Variants in BBS10 observed in about 807,000 individuals in gnomAD.
The protein encoded by BBS10 is BBSome complex assembly protein BBS10.
In BBS10, 13 loss-of-function variants were observed where a neutral mutation model predicts 12.7. The observed-to-expected ratio is 1.03, with a 90% CI of 0.67 to 1.63. BBS10 has a LOEUF of 1.63. Among genes scored for constraint, BBS10 ranks in the 40% most tolerant of loss-of-function variants. The pLI, the probability that BBS10 is intolerant of heterozygous loss-of-function variation, is 0.00. For synonymous variants in BBS10, 294 were observed against 304.8 expected (o/e 0.96, Z 0.37); for missense variants, 858 against 858.0 (o/e 1.00, Z 0.00).
In BBS10 at chr12:76,345,612, T is replaced by C; in HGVS notation, c.*201A>G. 1 of 560,298 alleles carries C rather than the reference T, an allele frequency of 1.8e-6. No individual in the cohort carries two copies. The highest frequency in any genetic ancestry group is 2.0e-5 in the South Asian group (1 of 49,340). The allele number at this position is 560,298 out of a possible 1,614,324, so 34.7% of individuals were successfully genotyped here. On this transcript the variant is annotated 3_prime_UTR_variant, in exon 2 of 2. Coordinates refer to ENST00000650064, the MANE Select transcript of BBS10 (RefSeq NM_024685.4). ...AAAACAGACACACTTAGCCAAATCT[T>C]GGCTTCCCCTCTAGATTTGTTCCAT...
At chr12:76,348,119 C>A in intron 1 of BBS10, 43 bp downstream of exon 1, 2 of 1,573,438 alleles carry the variant, frequency 1.3e-6, no homozygotes, top group Non-Finnish European at 1.7e-6. Flanking sequence ...ACAGAGGCTG[C>A]CTGGGGTGCC....
rs150467742 is a variant in BBS10, at chr12:76,346,368, T to C, written c.1617A>G (p.Pro539=). The change falls in exon 2 of 2, where the codon CCA becomes CCG. Residue 539 remains proline (P), a synonymous_variant. Transcript: ENST00000650064. ...ERNRLTDYYE[P]LLKNNSTAYS... The stretch of plus-strand genomic sequence containing the variant: ...AAGCAGTGGAATTGTTCTTGAGTAA[T>C]GGTTCATAATAATCAGTTAGCCTGT... The C allele has an allele frequency of 1.8e-5, 29 of 1,614,092 alleles. No individual in the cohort carries two copies. In the East Asian group the frequency reaches 6.5e-4, roughly 36 times the overall value.
Position 76,346,250 on chromosome 12 carries a change from T to C in BBS10, c.1735A>G (p.Lys579Glu), listed in dbSNP as rs200460631. 6.2e-7 allele frequency: 1 copy of C among 1,612,378 alleles called. No individual in the cohort carries two copies. The highest frequency in any genetic ancestry group is 8.5e-7 in the Non-Finnish European group (1 of 1,179,126). ...TGGGAAGTACCCATATTCGGTAACT[T>C]ACAGCTCACTGGTAACATGCTTCCC... ...RKGSMLPVSC[K>E]LPNMGTSQSY... Residue 579 changes from lysine to glutamate, a missense_variant, in exon 2 of 2, where the codon AAG (lysine) becomes GAG (glutamate). By Grantham distance (56) the Lys-to-Glu change is moderately conservative (BLOSUM62 1). Coordinates refer to ENST00000650064, the MANE Select transcript of BBS10 (RefSeq NM_024685.4).
rs376030299 is a variant in BBS10 at position 76,347,610 on chromosome 12, C to T, written c.375G>A (p.Arg125=). 190 of 1,613,672 alleles carry T rather than the reference C, an allele frequency of 1.2e-4. No homozygotes were observed. Among genetic ancestry groups the T allele is most frequent in the Non-Finnish European group, 1.5e-4 (180 of 1,180,012 alleles). Residue 125 remains arginine, a synonymous_variant, in exon 2 of 2, where the codon CGG becomes CGA. Coordinates refer to ENST00000650064, the MANE Select transcript of BBS10 (RefSeq NM_024685.4). ...GGAGAGCCTGGGAAATAAATTTCCACCGAGAACAATTTTTCCAATGCCTTC... is the reference window on the plus strand; with the variant it reads ...GGAGAGCCTGGGAAATAAATTTCCATCGAGAACAATTTTTCCAATGCCTTC... ...THGRHWKNCS[R]WKFISQALLT...
chr12:76,346,740 A>G lies in BBS10; in HGVS notation c.1245T>C (p.His415=), dbSNP rs147241753. The change falls in exon 2 of 2, where the codon CAT becomes CAC. Residue 415 remains histidine, a synonymous_variant. Coordinates refer to ENST00000650064, the MANE Select transcript of BBS10 (RefSeq NM_024685.4). The stretch of plus-strand genomic sequence containing the variant: ...ATTGCCGAAGCATTTTAAGTGCTCC[A>G]TGTAAAGCATCCTCATGTTGTTCAA... ...GLIEQHEDAL[H]GALKMLRQLF... The G allele has an allele frequency of 2.1e-4, 337 of 1,614,160 alleles. 1 individual carries two copies. The African/African-American group carries it at 3.7e-3, about 18-fold the overall frequency.
rs771193243 is a variant in BBS10 at position 76,346,189 on chromosome 12, A to C, written c.1796T>G (p.Val599Gly). The change falls in exon 2 of 2, where the codon GTT becomes GGT. Residue 599 changes from valine (V) to glycine (G), a missense_variant. Val to Gly is a moderately radical substitution (Grantham distance 109). Transcript: ENST00000650064. Reference sequence around the variant, plus strand: ...CTCAAAATTACCACCTACTGGCAAAACACAACCAGCTGGCATAGATGAGGA... The same window carrying C: ...CTCAAAATTACCACCTACTGGCAAACCACAACCAGCTGGCATAGATGAGGA... ...YLSSSMPAGC[V>G]LPVGGNFEIL... The C allele has an allele frequency of 6.2e-7, 1 of 1,611,790 alleles. No individual in the cohort carries two copies. The highest frequency in any genetic ancestry group is 8.5e-7 in the Non-Finnish European group (1 of 1,179,304).
Position 76,347,223 on chromosome 12 carries a change from G to A in BBS10, c.762C>T (p.Asp254=), listed in dbSNP as rs2136090876. 3 of 1,612,198 alleles carry A rather than the reference G, an allele frequency of 1.9e-6. No homozygotes were observed. Among genetic ancestry groups the A allele is most frequent in the African/African-American group, 2.7e-5 (2 of 75,042 alleles). The change falls in exon 2 of 2, where the codon GAC becomes GAT. Residue 254 remains aspartate, a synonymous_variant. Transcript: ENST00000650064. ...TTTCTGTTACTATCACCATTCGCAT[G>A]TCACCATCTGCTGGGCGGTACACAG... is the stretch of plus-strand genomic sequence containing the variant. ...DFSVYRPADG[D]MRMVIVTETI...
intron 1 of BBS10, among the ~76,000 whole-genome samples, 158 bp downstream of exon 1, chr12:76,348,004 G>A (rs1362064139): frequency 6.6e-6 from 1 of 152,196 alleles, no homozygotes; most frequent in African/African-American, 2.4e-5. Context: ...GATTTGGGGT[G>A]CAGGAGTGTT....
At position 76,348,187 on chromosome 12, in the gene BBS10, G is replaced by T. The variant is rs573377939; in HGVS notation, c.172C>A (p.Leu58Ile). The change falls in exon 1 of 2, where the codon CTA (leucine) becomes ATA (isoleucine). Residue 58 changes from leucine to isoleucine, a missense_variant. By Grantham distance (5) the Leu-to-Ile change is conservative (BLOSUM62 2). Transcript: ENST00000650064. The part of the protein sequence containing the change: ...SRNGGRLLEA[L>I]HLEHPIARMI... ...CTGGCTATGGGATGCTCTAAGTGTA[G>T]CGCCTCCAGGAGGCGGCCTCCATTC... 21 of 1,612,994 alleles carry T rather than the reference G, an allele frequency of 1.3e-5. No homozygotes were observed. The highest frequency in any genetic ancestry group is 1.7e-5 in the Non-Finnish European group (20 of 1,179,212).
In BBS10 at chr12:76,347,794, A is replaced by G. The variant is rs2136091344; in HGVS notation, c.198-7T>C. ...AACACAGTCCACTATCATCCTGTAC[A>G]AAAAAGAAATAAAGCAACTCATTTT... is the stretch of plus-strand genomic sequence containing the variant. On this transcript the variant is annotated splice_polypyrimidine_tract_variant and splice_region_variant and intron_variant, in intron 1 of 1. Transcript: ENST00000650064. The G allele has an allele frequency of 6.3e-7, 1 of 1,599,816 alleles. No homozygotes were observed. Among genetic ancestry groups the G allele is most frequent in the Non-Finnish European group, 8.5e-7 (1 of 1,179,622 alleles).
In BBS10 at chr12:76,348,087, C is replaced by G. The variant is rs566873677; in HGVS notation, c.197+75G>C. The G allele has an allele frequency of 2.1e-5, 31 of 1,502,296 alleles. No individual in the cohort carries two copies. The East Asian group carries it at 6.8e-4, about 33-fold the overall frequency. 93.1% of individuals were successfully genotyped at this position (1,502,296 alleles called of 1,614,324 possible). A position where few individuals can be genotyped will look rare whatever the true frequency, so the allele number is the denominator to read the frequency against. On this transcript the variant is annotated intron_variant, in intron 1 of 1. Coordinates refer to ENST00000650064, the MANE Select transcript of BBS10 (RefSeq NM_024685.4). ...GTCAGTCTTTCTAAGTACGCATCGCCTCAGGATGGGACAAGAGCTCCACAG... is the reference window on the plus strand; with the variant it reads ...GTCAGTCTTTCTAAGTACGCATCGCGTCAGGATGGGACAAGAGCTCCACAG...
In BBS10 at chr12:76,347,023, T is replaced by C. The variant is rs771325212; in HGVS notation, c.962A>G (p.Tyr321Cys). 1.2e-6 allele frequency: 2 copies of C among 1,612,848 alleles called. No individual in the cohort carries two copies. Among genetic ancestry groups the C allele is most frequent in the Non-Finnish European group, 1.7e-6 (2 of 1,179,996 alleles). ...TGATATGCCATTCACCCCTGCATAA[T>C]AACTAACTAAATCTGGTTGTTTCAC... is the stretch of plus-strand genomic sequence containing the variant. ...SSVKQPDLVS[Y>C]YAGVNGISVV... Residue 321 changes from tyrosine (Y) to cysteine (C), a missense_variant, in exon 2 of 2, where the codon TAT becomes TGT. Tyr to Cys is a radical substitution (Grantham distance 194). Transcript: ENST00000650064.
At position 76,347,588 on chromosome 12, in the gene BBS10, G is replaced by A. The variant is rs750446869; in HGVS notation, c.397C>T (p.Leu133Phe). 6.2e-7 allele frequency: 1 copy of A among 1,613,598 alleles called. No individual in the cohort carries two copies. The highest frequency in any genetic ancestry group is 8.5e-7 in the Non-Finnish European group (1 of 1,179,966). ...CSRWKFISQA[L>F]LTFQTQILDG... ...AATATTTGTGTCTGAAACGTTAGGAGAGCCTGGGAAATAAATTTCCACCGA... is the reference window on the plus strand; with the variant it reads ...AATATTTGTGTCTGAAACGTTAGGAAAGCCTGGGAAATAAATTTCCACCGA... Residue 133 changes from leucine to phenylalanine, a missense_variant, in exon 2 of 2, where the codon CTC becomes TTC. Physicochemically the swap from Leu to Phe is conservative, Grantham distance 22. Transcript: ENST00000650064.
intron 1 of BBS10, 68 bp downstream of exon 1, chr12:76,348,094 T>C: frequency 6.6e-7 from 1 of 1,517,888 alleles, no homozygotes; most frequent in East Asian, 2.3e-5. Flanking sequence ...CGCCTCAGGA[T>C]GGGACAAGAG....
In BBS10 at chr12:76,346,976, C is replaced by T; in HGVS notation, c.1009G>A (p.Glu337Lys). The change falls in exon 2 of 2, where the codon GAA (glutamate) becomes AAA (lysine). Residue 337 changes from glutamate (E) to lysine (K), a missense_variant. Glu to Lys is a moderately conservative substitution (Grantham distance 56). Transcript: ENST00000650064. Reference protein sequence around the residue: ...GISVVECLSSEEVSLIRRIIG... With the variant: ...GISVVECLSSKEVSLIRRIIG... ...ATCCTCCGGATAAGAGAAACTTCTTCTGATGATAAACACTCAACCACTGAT... is the reference window on the plus strand; with the variant it reads ...ATCCTCCGGATAAGAGAAACTTCTTTTGATGATAAACACTCAACCACTGAT... 6.2e-7 allele frequency: 1 copy of T among 1,611,162 alleles called. No homozygotes were observed. The highest frequency in any genetic ancestry group is 8.5e-7 in the Non-Finnish European group (1 of 1,179,988).
rs1300149950 is a variant in BBS10, at chr12:76,346,228, G to C, written c.1757C>G (p.Ser586Cys). Residue 586 changes from serine to cysteine, a missense_variant, in exon 2 of 2, where the codon TCC (serine) becomes TGC (cysteine). Coordinates refer to ENST00000650064, the MANE Select transcript of BBS10 (RefSeq NM_024685.4). ...VSCKLPNMGT[S>C]QSYLSSSMPA... The stretch of plus-strand genomic sequence containing the variant: ...CATAGATGAGGAAAGGTAACTCTGG[G>C]AAGTACCCATATTCGGTAACTTACA... 1 of 1,611,878 alleles carries C rather than the reference G, an allele frequency of 6.2e-7. No homozygotes were observed. The highest frequency in any genetic ancestry group is 2.2e-5 in the East Asian group (1 of 44,870).
rs1190422248 is a variant in BBS10 at position 76,344,932 on chromosome 12, A to T, written c.*881T>A. 4.6e-5 allele frequency: 7 copies of T among 152,196 alleles called. No individual in the cohort carries two copies. Among genetic ancestry groups the T allele is most frequent in the African/African-American group, 1.7e-4 (7 of 41,478 alleles). The allele number at this position is 152,196 out of a possible 1,614,324, so 9.4% of individuals were successfully genotyped here. On this transcript the variant is annotated 3_prime_UTR_variant, in exon 2 of 2. Transcript: ENST00000650064. ...TTTGTAAATGAAATAAATTAGAAAT[A>T]AAAATTAAAAATAAAACAGAAATAA...
In BBS10 at chr12:76,346,429, G is replaced by C; in HGVS notation, c.1556C>G (p.Thr519Arg). 1 of 1,614,156 alleles carries C rather than the reference G, an allele frequency of 6.2e-7. No individual in the cohort carries two copies. Among genetic ancestry groups the C allele is most frequent in the Non-Finnish European group, 8.5e-7 (1 of 1,179,992 alleles). ...PTLTPTDTFQ[T>R]VETLTCLSLE... ...AGACAAACATGTCAGCGTTTCAACT[G>C]TTTGGAATGTATCTGTTGGTGTCAG... Residue 519 changes from threonine (T) to arginine (R), a missense_variant, in exon 2 of 2, where the codon ACA (threonine) becomes AGA (arginine). Physicochemically the swap from Thr to Arg is moderately conservative, Grantham distance 71. Transcript: ENST00000650064.
At position 76,345,792 on chromosome 12, in the gene BBS10, G is replaced by A. The variant is rs1951752692; in HGVS notation, c.*21C>T. 1.2e-6 allele frequency: 2 copies of A among 1,605,612 alleles called. No individual in the cohort carries two copies. The highest frequency in any genetic ancestry group is 1.7e-5 in the Admixed American group (1 of 59,800). ...TGGCTTGAGTTAGATGAAAAGTTTG[G>A]TTAATTAAAAACTTCTGATGTTATA... On this transcript the variant is annotated 3_prime_UTR_variant, in exon 2 of 2. Transcript: ENST00000650064.
Sources: allele counts gnomAD v4.1 joint callset (sites outside exome capture counted in the v4.1 genomes callset), GRCh38; gene constraint gnomAD v4.1.1; transcripts MANE v1.5; gene names NCBI Gene and HGNC (gene_info 2026-07-23, HGNC 2026-07-21).